The following PCDHGA4 variants were observed in gnomAD, a reference collection of about 807,000 sequenced individuals.
PCDHGA4 encodes the protein protocadherin gamma-A4.
PCDHGA4 carries 38 observed loss-of-function variants against 54.6 expected under a neutral mutation model. That is an observed-to-expected ratio of 0.70 (90% CI 0.54 to 0.91). The LOEUF (loss-of-function observed/expected upper bound fraction) is 0.91, where lower values mean the gene tolerates loss of function less well. Ranked by LOEUF, PCDHGA4 falls within the 40% of genes least tolerant of loss-of-function variation. The pLI, the probability that PCDHGA4 is intolerant of heterozygous loss-of-function variation, is 0.00. For missense variants in PCDHGA4, 1,298 were observed against 1,220.9 expected (o/e 1.06, Z -0.94); for synonymous variants, 511 against 512.9 (o/e 1.00, Z 0.05).
intron 1 of PCDHGA4, among the ~76,000 whole-genome samples, chr5:141,447,098 A>G (rs2098525979): frequency 6.6e-6 from 1 of 151,934 alleles, no homozygotes. Flanking sequence ...TTTCTTTCAC[A>G]TGATTATATG....
chr5:141,427,820 G>A (rs2097075272), intron 1 of PCDHGA4: 2 of 1,532,144 alleles, frequency 1.3e-6, no homozygotes, highest in East Asian at 4.5e-5. Flanking sequence ...GCGGGGTGGT[G>A]GTCGCGCAGC....
Position 141,381,442 on chromosome 5 carries a change from A to AC in PCDHGA4, c.2514+23822dup, listed in dbSNP as rs551572598. 7.9e-5 allele frequency among the ~76,000 whole-genome samples: 12 copies of AC among 152,360 alleles called. No individual in the cohort carries two copies. In the South Asian group the frequency reaches 2.5e-3, roughly 32 times the overall value. The stretch of plus-strand genomic sequence containing the variant: ...GAGTACCTCTAAGGATCCTGTCAGG[A>AC]CAGTCCTGCATTTTGCTCAAATGCT... On this transcript the variant is annotated intron_variant, in intron 1 of 3. Transcript: ENST00000571252.
chr5:141,408,338 G>C, intron 1 of PCDHGA4: 1 of 1,613,958 alleles, frequency 6.2e-7, no homozygotes, highest in Non-Finnish European at 8.5e-7. Context: ...CAAGGGCTCG[G>C]TGGTGGGGAA....
rs1161979451 is a variant in PCDHGA4, at chr5:141,355,725, C to G, written c.618C>G (p.Asn206Lys). ...TGCAGGGTTACCAGCTCAACTCAAACGGTTACTTTTCCCTGGACGTGCAAA... is the reference window on the plus strand; with the variant it reads ...TGCAGGGTTACCAGCTCAACTCAAAGGGTTACTTTTCCCTGGACGTGCAAA... ...NSLQGYQLNSNGYFSLDVQSG... is the reference protein window; with the variant it reads ...NSLQGYQLNSKGYFSLDVQSG... The change falls in exon 1 of 4, where the codon AAC becomes AAG. Residue 206 changes from asparagine to lysine, a missense_variant. Physicochemically the swap from Asn to Lys is moderately conservative, Grantham distance 94. Coordinates refer to ENST00000571252, the MANE Select transcript of PCDHGA4 (RefSeq NM_018917.4). 6.2e-7 allele frequency: 1 copy of G among 1,614,014 alleles called. No homozygotes were observed. The highest frequency in any genetic ancestry group is 1.7e-5 in the Admixed American group (1 of 60,032).
intron 1 of PCDHGA4, chr5:141,384,947 G>A: frequency 6.2e-7 from 1 of 1,614,100 alleles, no homozygotes; most frequent in Non-Finnish European, 8.5e-7. Context: ...CCCTCCGACG[G>A]TCCTTACAAC....
chr5:141,460,027 G>A (rs1002703325), intron 1 of PCDHGA4, among the ~76,000 whole-genome samples: 3 of 152,088 alleles, frequency 2.0e-5, no homozygotes, highest in East Asian at 1.9e-4. Flanking sequence ...GCAGTGAGCC[G>A]AGACTGCACC....
At chr5:141,417,972 C>T (rs2154547391) in intron 1 of PCDHGA4, 2 of 1,613,830 alleles carry the variant, frequency 1.2e-6, no homozygotes, top group Admixed American at 1.7e-5. Flanking sequence ...TACTCGATTC[C>T]GGAGGAGCTG....
intron 1 of PCDHGA4, among the ~76,000 whole-genome samples, chr5:141,492,586 G>C (rs1451055991): frequency 6.6e-6 from 1 of 152,220 alleles, no homozygotes; most frequent in Admixed American, 6.5e-5. Context: ...GGGGCCAGGA[G>C]CGCTGGAGCG....
intron 1 of PCDHGA4, chr5:141,372,647 C>T (rs1768941423): frequency 1.9e-6 from 3 of 1,613,918 alleles, no homozygotes; most frequent in South Asian, 2.2e-5. Flanking sequence ...TGCCTTATTC[C>T]TACAATCCGT....
At chr5:141,360,955 A>G in intron 1 of PCDHGA4, 1 of 1,613,952 alleles carries the variant, frequency 6.2e-7, no homozygotes, top group Non-Finnish European at 8.5e-7. Context: ...TGAAGGCATA[A>G]ACGCAGAGAT....
chr5:141,369,242 A>G (rs1766108609), intron 1 of PCDHGA4, among the ~76,000 whole-genome samples: 1 of 152,200 alleles, frequency 6.6e-6, no homozygotes, highest in South Asian at 2.1e-4. Flanking sequence ...TTACTTATAT[A>G]ATTAAATAAT....
intron 1 of PCDHGA4, among the ~76,000 whole-genome samples, chr5:141,436,199 A>G (rs576607542): frequency 7.2e-5 from 11 of 152,282 alleles, no homozygotes; most frequent in East Asian, 5.8e-4. Context: ...AAAGAAAGAC[A>G]TAATAGGAAA....
At chr5:141,398,867 A>G (rs375842913) in intron 1 of PCDHGA4, 18 of 1,613,862 alleles carry the variant, frequency 1.1e-5, no homozygotes, top group Non-Finnish European at 1.4e-5. Context: ...CGAGACGTGT[A>G]CAGAGTCAGC....
At chr5:141,368,029 A>G (rs751685709) in intron 1 of PCDHGA4, among the ~76,000 whole-genome samples, 3 of 152,216 alleles carry the variant, frequency 2.0e-5, no homozygotes, top group Non-Finnish European at 4.4e-5. Context: ...CTCAAATTCC[A>G]GGAGGATGTG....
chr5:141,423,210 C>A (rs954945082), intron 1 of PCDHGA4: 2 of 1,613,578 alleles, frequency 1.2e-6, no homozygotes, highest in East Asian at 4.5e-5. Flanking sequence ...CCGTCACGCT[C>A]ACCGTGGCTG....
intron 1 of PCDHGA4, chr5:141,430,745 T>C (rs377018529): frequency 1.3e-4 from 191 of 1,499,634 alleles, no homozygotes; most frequent in Non-Finnish European, 1.7e-4. Context: ...AAAATAATTC[T>C]GGAGGAAGAT....
intron 1 of PCDHGA4, chr5:141,409,051 C>T (rs767003760): frequency 3.7e-6 from 6 of 1,614,032 alleles, no homozygotes; most frequent in Non-Finnish European, 5.1e-6. Context: ...ACTTCCGAAG[C>T]ACTGCCCAGA....
intron 2 of PCDHGA4, among the ~76,000 whole-genome samples, chr5:141,500,892 G>GAT (rs1036007799): frequency 1.1e-5 from 1 of 88,010 alleles, no homozygotes; most frequent in African/African-American, 7.1e-5. Flanking sequence ...TTTTTTTTGA[G>GAT]ACAGTCTCGC....
At chr5:141,360,252 G>A (rs1194495261) in intron 1 of PCDHGA4, 2 of 1,613,822 alleles carry the variant, frequency 1.2e-6, no homozygotes, top group Non-Finnish European at 1.7e-6. Flanking sequence ...CAATTCCAGA[G>A]GAGCTGGCCA....
Sources: gnomAD v4.1 joint callset for allele counts (sites outside exome capture counted in the v4.1 genomes callset) on GRCh38, gnomAD v4.1.1 for gene constraint, MANE v1.5 for transcripts, NCBI Gene and HGNC (gene_info 2026-07-23, HGNC 2026-07-21) for gene names.